The following PHACTR1 variants were observed in gnomAD, a reference collection of about 807,000 sequenced individuals.
PHACTR1 encodes RPEL repeat containing 1.
Under a neutral mutation model 69.2 loss-of-function variants are expected in PHACTR1, and 16 were observed. The observed-to-expected ratio is 0.23, with a 90% confidence interval of 0.16 to 0.35. The LOEUF (loss-of-function observed/expected upper bound fraction) is 0.35, where lower values mean the gene tolerates loss of function less well. PHACTR1 is among the 10% of genes least tolerant of loss of function. The pLI is 1.00. For missense variants in PHACTR1, 510 were observed against 734.7 expected, an observed-to-expected ratio of 0.69 and a Z score of 3.54; for synonymous variants, 312 against 284.5, an observed-to-expected ratio of 1.10 and a Z score of -0.97.
intron 4 of PHACTR1, among the ~76,000 whole-genome samples, chr6:12,929,829 A>C (rs2210514): frequency 0.16 from 24,521 of 152,184 alleles, 4,442 homozygotes; most frequent in African/African-American, 0.45. Flanking sequence ...TGTCAGAAAT[A>C]ATCATTTTAA....
Position 13,246,916 on chromosome 6 carries a change from A to G in PHACTR1, c.1391+16723A>G, listed in dbSNP as rs1189064790. 1.3e-5 allele frequency among the ~76,000 whole-genome samples: 2 copies of G among 152,240 alleles called. No homozygotes were observed. The highest frequency in any genetic ancestry group is 2.9e-5 in the Non-Finnish European group (2 of 68,058). ...ATTTCACTCCTCTTGGGATGCCAAG[A>G]CTTTTATAATGGCCTCAAAAATTGC... On this transcript the variant is annotated intron_variant, in intron 10 of 14. Coordinates refer to ENST00000332995, the MANE Select transcript of PHACTR1 (RefSeq NM_030948.6). The surrounding 1 kb of genome is among the most constrained non-coding windows in gnomAD (Gnocchi z 4.2).
chr6:12,726,534 T>C (rs1484116348), intron 3 of PHACTR1, among the ~76,000 whole-genome samples: 1 of 152,152 alleles, frequency 6.6e-6, no homozygotes, highest in Non-Finnish European at 1.5e-5. Flanking sequence ...AAGGCGGGTG[T>C]AGACACCCAC....
chr6:13,072,895 A>C (rs893695627), intron 5 of PHACTR1, among the ~76,000 whole-genome samples: 3 of 152,172 alleles, frequency 2.0e-5, no homozygotes, highest in Non-Finnish European at 2.9e-5. Flanking sequence ...GAGATGTATA[A>C]TGGTGTGAAG....
At chr6:13,210,911 CTTTTTT>C (rs56769825) in intron 8 of PHACTR1, among the ~76,000 whole-genome samples, 29 of 72,930 alleles carry the variant, frequency 4.0e-4, no homozygotes, top group African/African-American at 1.2e-3. Context: ...TTTATCATTT[CTTTTTT>C]TTTTTTTTTT....
chr6:13,151,257 T>C (rs781585831), intron 5 of PHACTR1, among the ~76,000 whole-genome samples: 1 of 152,232 alleles, frequency 6.6e-6, no homozygotes, highest in Admixed American at 6.5e-5. Flanking sequence ...CAGAGATAGA[T>C]TGTCCTGGAG....
At chr6:12,945,771 C>T (rs896078174) in intron 4 of PHACTR1, among the ~76,000 whole-genome samples, 1 of 151,810 alleles carries the variant, frequency 6.6e-6, no homozygotes, top group Non-Finnish European at 1.5e-5. Context: ...CGAGACCAGC[C>T]GAGCCAACAT....
chr6:12,911,299 T>G (rs1415105169), intron 4 of PHACTR1, among the ~76,000 whole-genome samples: 1 of 152,110 alleles, frequency 6.6e-6, no homozygotes, highest in Non-Finnish European at 1.5e-5. Context: ...AAATCGACAT[T>G]GGGGGCTTTG....
At chr6:12,933,490 T>C (rs898685260) in intron 4 of PHACTR1, 1 of 1,374,244 alleles carries the variant, frequency 7.3e-7, no homozygotes, top group Non-Finnish European at 9.8e-7. Flanking sequence ...AACTAGAAGA[T>C]GGACACAAAG....
intron 5 of PHACTR1, among the ~76,000 whole-genome samples, chr6:13,085,747 T>C (rs1005864140): frequency 1.3e-5 from 2 of 152,040 alleles, no homozygotes; most frequent in Non-Finnish European, 2.9e-5. Context: ...TATCATAGAT[T>C]TGGAAATTTA....
chr6:12,997,202 A>T (rs1275350348), intron 4 of PHACTR1, among the ~76,000 whole-genome samples: 1 of 149,366 alleles, frequency 6.7e-6, no homozygotes, highest in Non-Finnish European at 1.5e-5. Flanking sequence ...TTATAAACTT[A>T]TAATACATGT....
chr6:12,880,222 T>C lies in PHACTR1; in HGVS notation c.250+130432T>C, dbSNP rs570191828. Among the ~76,000 whole-genome samples the C allele has an allele frequency of 3.4e-5, 3 of 87,746 alleles. No individual in the cohort carries two copies. The East Asian group carries it at 1.2e-3, about 35-fold the overall frequency. The allele number at this position is 87,746 out of a possible 152,430, so 57.6% of individuals were successfully genotyped here. Reference sequence around the variant, plus strand: ...CTCAGATTGTCTCTAGAACTCATACTTTTTTTTCTTTTTTTTTTTTTTTTG... The same window carrying C: ...CTCAGATTGTCTCTAGAACTCATACCTTTTTTTCTTTTTTTTTTTTTTTTG... On this transcript the variant is annotated intron_variant, in intron 4 of 14. Coordinates refer to ENST00000332995, the MANE Select transcript of PHACTR1 (RefSeq NM_030948.6).
intron 4 of PHACTR1, among the ~76,000 whole-genome samples, chr6:12,906,286 G>T (rs182123879): frequency 1.3e-5 from 2 of 152,116 alleles, no homozygotes; most frequent in African/African-American, 4.8e-5. Flanking sequence ...TTGATACTTG[G>T]CTTACAATAC....
chr6:13,085,573 T>C (rs1812139033), intron 5 of PHACTR1, among the ~76,000 whole-genome samples: 1 of 152,218 alleles, frequency 6.6e-6, no homozygotes, highest in South Asian at 2.1e-4. Flanking sequence ...TATCTAACTT[T>C]ATAGTCTTAA....
intron 4 of PHACTR1, among the ~76,000 whole-genome samples, chr6:12,813,718 T>A (rs368028209): frequency 1.1e-4 from 16 of 152,256 alleles, no homozygotes; most frequent in Middle Eastern, 3.4e-3. Context: ...AGAGACTGCA[T>A]CAAAAACTAA....
intron 4 of PHACTR1, among the ~76,000 whole-genome samples, chr6:12,958,809 G>T (rs1244847537): frequency 6.6e-6 from 1 of 152,322 alleles, no homozygotes; most frequent in South Asian, 2.1e-4. Flanking sequence ...AGTTTTCACT[G>T]CCTTTCCTTC....
chr6:13,074,086 T>C (rs1810003612), intron 5 of PHACTR1, among the ~76,000 whole-genome samples: 1 of 152,122 alleles, frequency 6.6e-6, no homozygotes, highest in Non-Finnish European at 1.5e-5. Flanking sequence ...TTGGTCAGGC[T>C]GGTCTCAAAC....
At chr6:12,928,069 CTG>C (rs1387740006) in intron 4 of PHACTR1, among the ~76,000 whole-genome samples, 2 of 140,796 alleles carry the variant, frequency 1.4e-5, no homozygotes, top group East Asian at 4.1e-4. Context: ...TGGAGCCCCT[CTG>C]TCGACTCAGA....
Position 13,086,083 on chromosome 6 carries a change from TAAAAAAA to T in PHACTR1, c.415+32571_415+32577del, listed in dbSNP as rs776154642. ...TAAAAATAAAGAAGATACACATTTC[TAAAAAAA>T]AAAAAAAAAAAAAAAAGCTAAAAGG... On this transcript the variant is annotated intron_variant, in intron 5 of 14. Transcript: ENST00000332995. 7.8e-4 allele frequency among the ~76,000 whole-genome samples: 47 copies of T among 60,282 alleles called. No individual in the cohort carries two copies. The East Asian group carries it at 0.022, about 29-fold the overall frequency. 39.5% of individuals were successfully genotyped at this position (60,282 alleles called of 152,430 possible).
chr6:12,920,113 A>G (rs900687263), intron 4 of PHACTR1, among the ~76,000 whole-genome samples: 1 of 152,224 alleles, frequency 6.6e-6, no homozygotes, highest in Non-Finnish European at 1.5e-5. Flanking sequence ...TGGTATGATT[A>G]TTGCTGTTGT....
Sources: gnomAD v4.1 joint callset for allele counts (sites outside exome capture counted in the v4.1 genomes callset) on GRCh38, gnomAD v4.1.1 for gene constraint, Gnocchi (gnomAD v3.1) non-coding constraint, MANE v1.5 for transcripts, NCBI Gene and HGNC (gene_info 2026-07-23, HGNC 2026-07-21) for gene names.